The following DGKB variants were observed in gnomAD, a reference collection of about 807,000 sequenced individuals.
DGKB encodes 90 kDa diacylglycerol kinase.
Under a neutral mutation model 114.3 loss-of-function variants are expected in DGKB, and 67 were observed. The ratio of observed to expected loss-of-function variants is 0.59; its 90% CI spans 0.48 to 0.72. DGKB has a LOEUF of 0.72. DGKB is among the 30% of genes least tolerant of loss of function. The probability of loss-of-function intolerance (pLI) is 0.00; values close to 1 mark genes in which losing one functional copy is unlikely to be tolerated. For synonymous variants in DGKB, 398 were observed against 323.1 expected, an observed-to-expected ratio of 1.23 and a Z score of -2.49; for missense variants, 907 against 975.2, an observed-to-expected ratio of 0.93 and a Z score of 0.93.
At chr7:14,777,982 T>C (rs1838460217) in intron 2 of DGKB, among the ~76,000 whole-genome samples, 1 of 152,336 alleles carries the variant, frequency 6.6e-6, no homozygotes, top group East Asian at 1.9e-4. Flanking sequence ...TATTTAAATC[T>C]AGCTACAATA....
chr7:14,941,355 G>A (rs1587424337), intron 1 of DGKB, among the ~76,000 whole-genome samples: 1 of 152,142 alleles, frequency 6.6e-6, no homozygotes, highest in Middle Eastern at 3.4e-3. Context: ...TGTGATTTTT[G>A]GATAGAACTG....
At chr7:14,172,007 G>T (rs1292617624) in intron 25 of DGKB, among the ~76,000 whole-genome samples, 1 of 152,138 alleles carries the variant, frequency 6.6e-6, no homozygotes, top group Non-Finnish European at 1.5e-5. Flanking sequence ...CACTGAGGCT[G>T]AGCTTTTAGG....
chr7:14,348,604 A>C (rs1812890749), intron 21 of DGKB, among the ~76,000 whole-genome samples: 1 of 151,966 alleles, frequency 6.6e-6, no homozygotes, highest in African/African-American at 2.4e-5. Context: ...AATTAAAAAA[A>C]GTAAAAAAAA....
chr7:14,861,657 A>G (rs1850995431), intron 1 of DGKB, among the ~76,000 whole-genome samples: 2 of 151,910 alleles, frequency 1.3e-5, no homozygotes, highest in African/African-American at 4.8e-5. Context: ...GATTATCTAT[A>G]TAGTTTTACC....
Position 14,313,829 on chromosome 7 carries a change from G to C in DGKB, c.2122+24686C>G, listed in dbSNP as rs1401450716. Among the ~76,000 whole-genome samples the C allele has an allele frequency of 2.6e-5, 4 of 152,204 alleles. No homozygotes were observed. In the East Asian group the frequency reaches 7.7e-4, roughly 29 times the overall value. ...TCTGTAGGCTCCACCTCTGGGGGCA[G>C]GGCACAGACAAACAAAAAGACAGCA... On this transcript the variant is annotated intron_variant, in intron 23 of 25. Coordinates refer to ENST00000402815, the MANE Select transcript of DGKB (RefSeq NM_001350709.2).
chr7:14,473,675 CT>C (rs1292953647), intron 21 of DGKB, among the ~76,000 whole-genome samples: 1 of 152,168 alleles, frequency 6.6e-6, no homozygotes, highest in Non-Finnish European at 1.5e-5. Context: ...GGATGGGGGA[CT>C]ATACCCTGCA....
chr7:14,416,947 G>C (rs1025434425), intron 21 of DGKB, among the ~76,000 whole-genome samples: 1 of 151,922 alleles, frequency 6.6e-6, no homozygotes, highest in Non-Finnish European at 1.5e-5. Flanking sequence ...TGCTCCCCAG[G>C]CATCACTGAC....
intron 1 of DGKB, among the ~76,000 whole-genome samples, chr7:14,957,540 A>C (rs576098679): frequency 6.6e-6 from 1 of 152,130 alleles, no homozygotes; most frequent in East Asian, 1.9e-4. Context: ...GGAATATATG[A>C]ATATATTTCC....
chr7:14,154,177 C>CTT (rs5882429), intron 25 of DGKB, among the ~76,000 whole-genome samples: 3 of 128,368 alleles, frequency 2.3e-5, no homozygotes, highest in South Asian at 2.6e-4. Flanking sequence ...AGAGTTTTGT[C>CTT]TTTTTTTTTT....
At chr7:14,359,081 A>G (rs1815178076) in intron 21 of DGKB, among the ~76,000 whole-genome samples, 1 of 151,980 alleles carries the variant, frequency 6.6e-6, no homozygotes, top group African/African-American at 2.4e-5. Flanking sequence ...CCAAAACAGC[A>G]TGGTACTGGT....
chr7:14,410,049 G>A (rs998297215), intron 21 of DGKB, among the ~76,000 whole-genome samples: 5 of 151,964 alleles, frequency 3.3e-5, no homozygotes, highest in African/African-American at 9.7e-5. Context: ...ATTTTTGACT[G>A]TGTAGGAAGT....
intron 2 of DGKB, among the ~76,000 whole-genome samples, chr7:14,818,559 G>C (rs1844481898): frequency 6.6e-6 from 1 of 152,136 alleles, no homozygotes; most frequent in Admixed American, 6.6e-5. Context: ...GTAAAACTCT[G>C]AGTAGAGGAC....
rs182649558 is a variant in DGKB, at chr7:14,271,511, G to A, written c.2122+67004C>T. 9.0e-3 allele frequency among the ~76,000 whole-genome samples: 1,368 copies of A among 152,262 alleles called. 5 individuals carry two copies. Among genetic ancestry groups the A allele is most frequent in the South Asian group, 0.022 (105 of 4,828 alleles). On this transcript the variant is annotated intron_variant, in intron 23 of 25. Coordinates refer to ENST00000402815, the MANE Select transcript of DGKB (RefSeq NM_001350709.2). ...AATTTAATAACAGGGCACAGAGGCC[G>A]CAAAGCCTCCTGATTCTGTTCCATT...
At chr7:14,443,025 A>T (rs1830276482) in intron 21 of DGKB, among the ~76,000 whole-genome samples, 1 of 152,178 alleles carries the variant, frequency 6.6e-6, no homozygotes, top group African/African-American at 2.4e-5. Context: ...TAAATTTTAT[A>T]AATCCAAACT....
At chr7:14,601,115 T>C (rs545585855) in intron 17 of DGKB, among the ~76,000 whole-genome samples, 3 of 152,322 alleles carry the variant, frequency 2.0e-5, no homozygotes, top group East Asian at 3.9e-4. Flanking sequence ...CCTGCAGAGT[T>C]AGCACCAGCT....
chr7:14,374,693 A>T (rs1211716319), intron 21 of DGKB, among the ~76,000 whole-genome samples: 1 of 152,188 alleles, frequency 6.6e-6, no homozygotes, highest in Non-Finnish European at 1.5e-5. Flanking sequence ...CTTATGAAAG[A>T]ACTCTCTTGC....
At chr7:14,325,528 C>G (rs1170542683) in intron 23 of DGKB, among the ~76,000 whole-genome samples, 1 of 152,080 alleles carries the variant, frequency 6.6e-6, no homozygotes, top group Non-Finnish European at 1.5e-5. Context: ...GTACTCTAGT[C>G]AACTTTCGTT....
intron 4 of DGKB, 79 bp downstream of exon 4, chr7:14,753,849 G>T: frequency 1.1e-6 from 1 of 890,446 alleles, no homozygotes; most frequent in Non-Finnish European, 1.8e-6. Flanking sequence ...ATAGTTCAGT[G>T]ATATGGATGA....
chr7:14,445,571 A>C (rs1191684796), intron 21 of DGKB, among the ~76,000 whole-genome samples: 2 of 152,036 alleles, frequency 1.3e-5, no homozygotes, highest in Non-Finnish European at 2.9e-5. Flanking sequence ...AGAGGTAATA[A>C]CACGAAGGTA....
Sources: gnomAD v4.1 joint callset for allele counts (sites outside exome capture counted in the v4.1 genomes callset) on GRCh38, gnomAD v4.1.1 for gene constraint, MANE v1.5 for transcripts, NCBI Gene and HGNC (gene_info 2026-07-23, HGNC 2026-07-21) for gene names.